Variants in NPVF observed in about 807,000 individuals in gnomAD.
The protein encoded by NPVF is pro-FMRFamide-related neuropeptide VF.
A neutral mutation model predicts 15.7 loss-of-function variants in NPVF; 17 were observed. That is an observed-to-expected ratio of 1.08 (90% CI 0.74 to 1.62). The LOEUF (loss-of-function observed/expected upper bound fraction) is 1.62, where lower values mean the gene tolerates loss of function less well. NPVF is among the 40% of genes most tolerant of loss of function. The pLI is 0.00. For missense variants in NPVF, 270 were observed against 225.2 expected, an observed-to-expected ratio of 1.20 and a Z score of -1.27; for synonymous variants, 70 against 80.1, an observed-to-expected ratio of 0.87 and a Z score of 0.67.
chr7:25,228,196 A>T, intron 1 of NPVF, 106 bp downstream of exon 1: 1 of 802,746 alleles, frequency 1.2e-6, no homozygotes, highest in Non-Finnish European at 2.0e-6. Flanking sequence ...TCACAAAAAA[A>T]CAGAGTACAC....
At chr7:25,227,731 A>C (rs900702242) in intron 1 of NPVF, among the ~76,000 whole-genome samples, 1 of 152,226 alleles carries the variant, frequency 6.6e-6, no homozygotes, top group Non-Finnish European at 1.5e-5. Context: ...TTACCATAGG[A>C]GCTTGTCCAT....
chr7:25,227,818 GA>G (rs1783150920), intron 1 of NPVF, among the ~76,000 whole-genome samples: 1 of 151,966 alleles, frequency 6.6e-6, no homozygotes, highest in Non-Finnish European at 1.5e-5. Flanking sequence ...ATCAGATTTG[GA>G]AAACACATAA....
chr7:25,226,169 G>T (rs942291201), intron 2 of NPVF, among the ~76,000 whole-genome samples: 2 of 152,116 alleles, frequency 1.3e-5, no homozygotes, highest in African/African-American at 4.8e-5. Context: ...GATTATAACA[G>T]AGTTTATAAG....
In NPVF at chr7:25,224,955, A is replaced by G; in HGVS notation, c.*167T>C. The G allele has an allele frequency of 1.9e-6, 1 of 534,322 alleles. No individual in the cohort carries two copies. The highest frequency in any genetic ancestry group is 3.3e-6 in the Non-Finnish European group (1 of 300,568). 33.1% of individuals were successfully genotyped at this position (534,322 alleles called of 1,614,324 possible). A position where few individuals can be genotyped will look rare whatever the true frequency, so the allele number is the denominator to read the frequency against. On this transcript the variant is annotated 3_prime_UTR_variant, in exon 3 of 3. Transcript: ENST00000222674. ...AACTTTACGTAACAAATATGCTTTAATTTTTTTACAACTTTCAAGATACTA... is the reference window on the plus strand; with the variant it reads ...AACTTTACGTAACAAATATGCTTTAGTTTTTTTACAACTTTCAAGATACTA...
At chr7:25,226,585 T>C (rs760905739) in intron 2 of NPVF, 41 bp downstream of exon 2, 2 of 1,595,252 alleles carry the variant, frequency 1.3e-6, no homozygotes, top group African/African-American at 2.7e-5. Flanking sequence ...ACCACCTCTA[T>C]ATAACTGCCC....
Position 25,225,076 on chromosome 7 carries a change from A to G in NPVF, c.*46T>C, listed in dbSNP as rs553747268. ...TCCGTGTGGTCTTCGCTATAGAGCCATTTGTAGATTACAGGCCACAGCTTT... is the reference window on the plus strand; with the variant it reads ...TCCGTGTGGTCTTCGCTATAGAGCCGTTTGTAGATTACAGGCCACAGCTTT... On this transcript the variant is annotated 3_prime_UTR_variant, in exon 3 of 3. Coordinates refer to ENST00000222674, the MANE Select transcript of NPVF (RefSeq NM_022150.3). The G allele has an allele frequency of 3.2e-6, 5 of 1,552,396 alleles. No homozygotes were observed. The highest frequency in any genetic ancestry group is 2.7e-5 in the African/African-American group (2 of 73,058).
At position 25,228,382 on chromosome 7, in the gene NPVF, AC is replaced by A. The variant is rs765246782; in HGVS notation, c.57del (p.Leu19PhefsTer2). On this transcript the variant is annotated frameshift_variant, in exon 1 of 3. Transcript: ENST00000222674. LOFTEE classifies it high-confidence loss of function. ...FILLTLATSSLLTSNIFCADE... is the reference protein window; with the variant it reads ...FILLTLATSSXLTSNIFCADE... Reference sequence around the variant, plus strand: ...TCTGCACAAAAAATGTTTGATGTTAACAAGCTTGAAGTGGCTAAAGTCAATA... The same window carrying A: ...TCTGCACAAAAAATGTTTGATGTTAAAAGCTTGAAGTGGCTAAAGTCAATA... The A allele has an allele frequency of 6.7e-5, 105 of 1,577,620 alleles. No individual in the cohort carries two copies. Among genetic ancestry groups the A allele is most frequent in the Non-Finnish European group, 8.2e-5 (94 of 1,147,612 alleles).
chr7:25,226,338 T>C (rs1783128208), intron 2 of NPVF, among the ~76,000 whole-genome samples: 1 of 152,210 alleles, frequency 6.6e-6, no homozygotes. Context: ...GACAATATAC[T>C]GTCATTGCAT....
chr7:25,226,204 CT>C (rs1562549311), intron 2 of NPVF, among the ~76,000 whole-genome samples: 1 of 152,046 alleles, frequency 6.6e-6, no homozygotes, highest in Non-Finnish European at 1.5e-5. Context: ...AAAGAAAACA[CT>C]TTGATTAAAA....
chr7:25,228,042 G>A (rs1783152995), intron 1 of NPVF, among the ~76,000 whole-genome samples: 1 of 152,142 alleles, frequency 6.6e-6, no homozygotes, highest in Non-Finnish European at 1.5e-5. Context: ...ATGCACTTGT[G>A]AGTTGATTGA....
intron 2 of NPVF, among the ~76,000 whole-genome samples, chr7:25,225,443 C>A (rs1173006924): frequency 6.6e-6 from 1 of 152,240 alleles, no homozygotes; most frequent in East Asian, 1.9e-4. Flanking sequence ...CATCCCACAA[C>A]CTCAGCAGAA....
intron 2 of NPVF, 47 bp downstream of exon 2, chr7:25,226,579 C>G: frequency 6.3e-7 from 1 of 1,580,286 alleles, no homozygotes; most frequent in Non-Finnish European, 8.6e-7. Flanking sequence ...TTCTAGACCA[C>G]CTCTATATAA....
At position 25,224,818 on chromosome 7, in the gene NPVF, G is replaced by T; in HGVS notation, c.*304C>A. ...AATTTTTTTTATTAAGTGTAACTGT[G>T]CCAATGATTTTTATATAGGGTAGTG... On this transcript the variant is annotated 3_prime_UTR_variant, in exon 3 of 3. Transcript: ENST00000222674. 3.4e-6 allele frequency: 1 copy of T among 293,198 alleles called. No homozygotes were observed. The allele number at this position is 293,198 out of a possible 1,614,324, so 18.2% of individuals were successfully genotyped here. A position where few individuals can be genotyped will look rare whatever the true frequency, so the allele number is the denominator to read the frequency against.
chr7:25,226,731 C>T lies in NPVF; in HGVS notation c.434G>A (p.Ser145Asn). Residue 145 changes from serine to asparagine, a missense_variant, in exon 2 of 3, where the codon AGT becomes AAT. Transcript: ENST00000222674. ...ATGCATGGATCCTTGACACAAATCA[C>T]TCAGCATCCTGCAGACACTTTTGGC... Reference protein sequence around the residue: ...TTAKSVCRMLSDLCQGSMHSP... With the variant: ...TTAKSVCRMLNDLCQGSMHSP... 6.2e-7 allele frequency: 1 copy of T among 1,614,190 alleles called. No homozygotes were observed. Among genetic ancestry groups the T allele is most frequent in the African/African-American group, 1.3e-5 (1 of 75,048 alleles).
In NPVF at chr7:25,224,618, C is replaced by T. The variant is rs1272812206; in HGVS notation, c.*504G>A. ...AGAGTTTTTATTTTGTAGTTTTACA[C>T]AGACATTTACATTTCAATTGATCAC... is the stretch of plus-strand genomic sequence containing the variant. On this transcript the variant is annotated 3_prime_UTR_variant, in exon 3 of 3. Transcript: ENST00000222674. 1 of 152,604 alleles carries T rather than the reference C, an allele frequency of 6.6e-6. No homozygotes were observed. Among genetic ancestry groups the T allele is most frequent in the Non-Finnish European group, 1.5e-5 (1 of 68,354 alleles). 9.5% of individuals were successfully genotyped at this position (152,604 alleles called of 1,614,324 possible).
In NPVF at chr7:25,226,858, C is replaced by T. The variant is rs180687047; in HGVS notation, c.307G>A (p.Gly103Arg). ...CTCAGAGGCAGGTTGGCTGTTGCTC[C>T]AGCACTTCTTTCTTCTTGAACGTTC... is the stretch of plus-strand genomic sequence containing the variant. ...GRNVQEERSA[G>R]ATANLPLRSG... The change falls in exon 2 of 3, where the codon GGA (glycine) becomes AGA (arginine). Residue 103 changes from glycine (G) to arginine (R), a missense_variant. Physicochemically the swap from Gly to Arg is moderately radical, Grantham distance 125 (BLOSUM62 -2). Coordinates refer to ENST00000222674, the MANE Select transcript of NPVF (RefSeq NM_022150.3). 1.9e-6 allele frequency: 3 copies of T among 1,614,180 alleles called. No individual in the cohort carries two copies. In the Admixed American group the frequency reaches 5.0e-5, roughly 27 times the overall value.
rs749202309 is a variant in NPVF, at chr7:25,226,756, CTGT to C, written c.406_408del (p.Thr136del). 1.9e-6 allele frequency: 3 copies of C among 1,614,154 alleles called. No individual in the cohort carries two copies. Among genetic ancestry groups the C allele is most frequent in the Admixed American group, 1.7e-5 (1 of 60,028 alleles). On this transcript the variant is annotated inframe_deletion, in exon 2 of 3. Coordinates refer to ENST00000222674, the MANE Select transcript of NPVF (RefSeq NM_022150.3). ...CTCAGCATCCTGCAGACACTTTTGG[CTGT>C]TGTTGTTCTCCCAAACCTTTGGGGC...
At chr7:25,228,249 A>G (rs946306910) in intron 1 of NPVF, 53 bp downstream of exon 1, 137 of 1,171,852 alleles carry the variant, frequency 1.2e-4, no homozygotes, top group Middle Eastern at 8.2e-4. Context: ...TAGACTTAGG[A>G]TTAATATTAT....
rs377133322 is a variant in NPVF, at chr7:25,226,752, T to C, written c.413A>G (p.Lys138Arg). The C allele has an allele frequency of 1.2e-6, 2 of 1,614,092 alleles. No individual in the cohort carries two copies. The highest frequency in any genetic ancestry group is 2.7e-5 in the African/African-American group (2 of 74,934). ...PQRFGRTTTAKSVCRMLSDLC... is the reference protein window; with the variant it reads ...PQRFGRTTTARSVCRMLSDLC... The stretch of plus-strand genomic sequence containing the variant: ...ATCACTCAGCATCCTGCAGACACTT[T>C]TGGCTGTTGTTGTTCTCCCAAACCT... The change falls in exon 2 of 3, where the codon AAA (lysine) becomes AGA (arginine). Residue 138 changes from lysine to arginine, a missense_variant. Transcript: ENST00000222674.
Sources: allele counts gnomAD v4.1 joint callset (sites outside exome capture counted in the v4.1 genomes callset), GRCh38; gene constraint gnomAD v4.1.1; transcripts MANE v1.5; gene names NCBI Gene and HGNC (gene_info 2026-07-23, HGNC 2026-07-21).